Variants in ITGA11 observed in about 807,000 individuals in gnomAD.
The protein encoded by ITGA11 is integrin subunit alpha 11.
ITGA11 carries 97 observed loss-of-function variants against 141.9 expected under a neutral mutation model. The observed-to-expected ratio is 0.68, with a 90% CI of 0.58 to 0.81. The LOEUF is 0.81. ITGA11 is among the 30% of genes least tolerant of loss of function. The probability of loss-of-function intolerance (pLI) is 0.00; values close to 1 mark genes in which losing one functional copy is unlikely to be tolerated. For synonymous variants in ITGA11, 658 were observed against 624.6 expected (o/e 1.05, Z -0.80); for missense variants, 1,387 against 1,559.2 (o/e 0.89, Z 1.86).
intron 1 of ITGA11, among the ~76,000 whole-genome samples, chr15:68,427,457 T>C (rs925833590): frequency 3.3e-5 from 5 of 152,136 alleles, no homozygotes; most frequent in Non-Finnish European, 7.4e-5. Context: ...GCAGTCTAGG[T>C]CCTAAGCCCA....
At chr15:68,350,843 C>T in intron 8 of ITGA11, 61 bp from the exon 9 acceptor site, 4 of 1,549,616 alleles carry the variant, frequency 2.6e-6, no homozygotes, top group Non-Finnish European at 3.5e-6. Context: ...TCCCATACAC[C>T]ACACGGCCTA....
At chr15:68,400,839 T>A (rs12592187) in intron 2 of ITGA11, among the ~76,000 whole-genome samples, 640 of 6,248 alleles carry the variant, frequency 0.1, 66 homozygotes, top group African/African-American at 0.23. Context: ...TAATAAATAT[T>A]ATATTATATA....
chr15:68,329,669 T>G (rs1894092403), intron 15 of ITGA11, among the ~76,000 whole-genome samples: 1 of 152,228 alleles, frequency 6.6e-6, no homozygotes, highest in African/African-American at 2.4e-5. Flanking sequence ...TCCCCGGGCC[T>G]TGGTCATCTG....
chr15:68,414,795 A>G (rs753692477), intron 1 of ITGA11, among the ~76,000 whole-genome samples: 3 of 152,258 alleles, frequency 2.0e-5, no homozygotes, highest in South Asian at 2.1e-4. Flanking sequence ...GGGTCCAAAC[A>G]AGTGTCCCTC....
intron 9 of ITGA11, among the ~76,000 whole-genome samples, chr15:68,349,683 A>G (rs1041414291): frequency 6.6e-6 from 1 of 152,196 alleles, no homozygotes. Context: ...CCATATGCCC[A>G]AAGCCCGATA....
In ITGA11 at chr15:68,321,392, G is replaced by C; in HGVS notation, c.2408+26C>G. The C allele has an allele frequency of 6.7e-7, 1 of 1,484,866 alleles. No homozygotes were observed. Among genetic ancestry groups the C allele is most frequent in the South Asian group, 1.3e-5 (1 of 79,398 alleles). The allele number at this position is 1,484,866 out of a possible 1,614,324, so 92.0% of individuals were successfully genotyped here. A position where few individuals can be genotyped will look rare whatever the true frequency, so the allele number is the denominator to read the frequency against. ...CTGGCAGTGAAGGGGAAGGGGCGAG[G>C]GTGGGGGTGGAAGGAGCCAACTCAC... is the stretch of plus-strand genomic sequence containing the variant. On this transcript the variant is annotated intron_variant, in intron 19 of 29. Coordinates refer to ENST00000315757, the MANE Select transcript of ITGA11 (RefSeq NM_001004439.2). This position sits in a 1 kb window ranked among gnomAD's most constrained non-coding sequence, Gnocchi z 4.9.
chr15:68,425,782 C>T (rs1897128955), intron 1 of ITGA11, among the ~76,000 whole-genome samples: 1 of 152,248 alleles, frequency 6.6e-6, no homozygotes, highest in Non-Finnish European at 1.5e-5. Context: ...CCCTGAAAAT[C>T]CGCAGGGTCA....
At position 68,419,613 on chromosome 15, in the gene ITGA11, G is replaced by A. The variant is rs1365131789; in HGVS notation, c.52+12402C>T. Among the ~76,000 whole-genome samples the A allele has an allele frequency of 1.3e-5, 2 of 152,220 alleles. 1 individual carries two copies. Among genetic ancestry groups the A allele is most frequent in the East Asian group, 3.9e-4 (2 of 5,194 alleles). On this transcript the variant is annotated intron_variant, in intron 1 of 29. Coordinates refer to ENST00000315757, the MANE Select transcript of ITGA11 (RefSeq NM_001004439.2). ...CCTGTTACATCTGGGTTTACAATCA[G>A]GATTGAGGTTCTGGCTCAGGAAATG...
Position 68,303,077 on chromosome 15 carries a change from G to T in ITGA11, c.3549C>A (p.Thr1183=). The change falls in exon 30 of 30, where the codon ACC becomes ACA. Residue 1183 remains threonine, a synonymous_variant. Transcript: ENST00000315757. The surrounding 1 kb of genome is among the most constrained non-coding windows in gnomAD (Gnocchi z 5.3). ...RRRREPGLDP[T]PKVLE ...TGGAGCCTCACTCCAGCACTTTGGG[G>T]GTGGGGTCCAGACCAGGCTCCCTCC... The T allele has an allele frequency of 6.5e-7, 1 of 1,550,166 alleles. No homozygotes were observed. The highest frequency in any genetic ancestry group is 8.7e-7 in the Non-Finnish European group (1 of 1,146,854).
chr15:68,351,247 C>T lies in ITGA11; in HGVS notation c.894+11G>A, dbSNP rs376183193. On this transcript the variant is annotated intron_variant, in intron 8 of 29. Transcript: ENST00000315757. Reference sequence around the variant, plus strand: ...AGGCCATCAGCAGCCCTTGGGCGGGCCAGGACTTACGGCCACCGCATATCT... The same window carrying T: ...AGGCCATCAGCAGCCCTTGGGCGGGTCAGGACTTACGGCCACCGCATATCT... 5 of 1,613,402 alleles carry T rather than the reference C, an allele frequency of 3.1e-6. No individual in the cohort carries two copies. The highest frequency in any genetic ancestry group is 1.7e-4 in the Middle Eastern group (1 of 6,006).
rs923198551 is a variant in ITGA11, at chr15:68,304,959, A to G, written c.3382-1074T>C. On this transcript the variant is annotated intron_variant, in intron 28 of 29. Transcript: ENST00000315757. This position sits in a 1 kb window ranked among gnomAD's most constrained non-coding sequence, Gnocchi z 6.1. ...CGCTGCCCGACTGCCTCCCCTCTGC[A>G]GTTTGTTCTTAGCATAGCAACTAGA... 1.3e-5 allele frequency among the ~76,000 whole-genome samples: 2 copies of G among 152,186 alleles called. No homozygotes were observed. The highest frequency in any genetic ancestry group is 4.8e-5 in the African/African-American group (2 of 41,450).
intron 11 of ITGA11, among the ~76,000 whole-genome samples, chr15:68,338,179 C>T (rs1894433636): frequency 6.6e-6 from 1 of 152,236 alleles, no homozygotes; most frequent in Non-Finnish European, 1.5e-5. Context: ...CAATAAAACA[C>T]GAGTCATTCT....
intron 1 of ITGA11, among the ~76,000 whole-genome samples, chr15:68,425,284 G>A (rs1355977702): frequency 1.3e-5 from 2 of 152,216 alleles, no homozygotes; most frequent in Admixed American, 6.5e-5. Flanking sequence ...TGCACTTGGT[G>A]AATGCCCTGC....
At chr15:68,363,015 GGAT>G (rs1284843432) in intron 4 of ITGA11, among the ~76,000 whole-genome samples, 2 of 152,128 alleles carry the variant, frequency 1.3e-5, no homozygotes, top group Non-Finnish European at 2.9e-5. Context: ...ATGGATGGAT[GGAT>G]GATGAATTGA....
Position 68,328,370 on chromosome 15 carries a change from T to A in ITGA11, c.1902-108A>T. The A allele has an allele frequency of 1.8e-6, 1 of 561,820 alleles. No individual in the cohort carries two copies. Among genetic ancestry groups the A allele is most frequent in the Non-Finnish European group, 2.5e-6 (1 of 404,156 alleles). 34.8% of individuals were successfully genotyped at this position (561,820 alleles called of 1,614,324 possible). On this transcript the variant is annotated intron_variant, in intron 15 of 29. Coordinates refer to ENST00000315757, the MANE Select transcript of ITGA11 (RefSeq NM_001004439.2). This position sits in a 1 kb window ranked among gnomAD's most constrained non-coding sequence, Gnocchi z 4.8. Reference sequence around the variant, plus strand: ...ATGCGAGTGGGATCTGCAAAGCCACTGGAGGGGGTGAGGTGGAGGATGGAG... The same window carrying A: ...ATGCGAGTGGGATCTGCAAAGCCACAGGAGGGGGTGAGGTGGAGGATGGAG...
chr15:68,400,686 T>TATTATATATTATATAATAAA (rs1566938504), intron 2 of ITGA11, among the ~76,000 whole-genome samples: 23 of 47,400 alleles, frequency 4.9e-4, no homozygotes, highest in African/African-American at 2.7e-3. Flanking sequence ...ATAATAAATA[T>TATTATATATTATATAATAAA]TATATTATAT....
intron 20 of ITGA11, among the ~76,000 whole-genome samples, chr15:68,318,226 A>G (rs925816582): frequency 3.3e-5 from 5 of 151,974 alleles, no homozygotes; most frequent in Non-Finnish European, 5.9e-5. Context: ...GTGGGGACAC[A>G]GCACTTCACA....
At chr15:68,315,030 C>A (rs946819590) in intron 22 of ITGA11, among the ~76,000 whole-genome samples, 2 of 152,154 alleles carry the variant, frequency 1.3e-5, no homozygotes, top group African/African-American at 4.8e-5. Context: ...GGGGTCAACA[C>A]ATAGCAAGCT....
chr15:68,325,363 C>A lies in ITGA11; in HGVS notation c.2212-122G>T. 5.7e-6 allele frequency: 4 copies of A among 696,444 alleles called. No individual in the cohort carries two copies. Among genetic ancestry groups the A allele is most frequent in the Non-Finnish European group, 1.0e-5 (4 of 386,588 alleles). The allele number at this position is 696,444 out of a possible 1,614,324, so 43.1% of individuals were successfully genotyped here. On this transcript the variant is annotated intron_variant, in intron 17 of 29. Transcript: ENST00000315757. This position sits in a 1 kb window ranked among gnomAD's most constrained non-coding sequence, Gnocchi z 5.5. ...GATGGCAGGGCAGCTGCCCTGTGCC[C>A]TCAGGGTGAGTCTGCAGGTGGATGG...
Sources: gnomAD v4.1 joint callset for allele counts (sites outside exome capture counted in the v4.1 genomes callset) on GRCh38, gnomAD v4.1.1 for gene constraint, Gnocchi (gnomAD v3.1) non-coding constraint, MANE v1.5 for transcripts, NCBI Gene and HGNC (gene_info 2026-07-23, HGNC 2026-07-21) for gene names.